The following ATF7 variants were observed in gnomAD, a reference collection of about 807,000 sequenced individuals.
ATF7 encodes cyclic AMP-dependent transcription factor ATF-7.
In ATF7, 10 loss-of-function variants were observed where a neutral mutation model predicts 50.4. The ratio of observed to expected loss-of-function variants is 0.20; its 90% CI spans 0.12 to 0.34. The LOEUF (loss-of-function observed/expected upper bound fraction) is 0.34, where lower values mean the gene tolerates loss of function less well. ATF7 is among the 10% of genes least tolerant of loss of function. The pLI is 1.00. For synonymous variants in ATF7, 201 were observed against 226.4 expected, an observed-to-expected ratio of 0.89 and a Z score of 1.01; for missense variants, 465 against 613.9, an observed-to-expected ratio of 0.76 and a Z score of 2.56.
Position 53,585,553 on chromosome 12 carries a change from T to C in ATF7, c.48+15400A>G, listed in dbSNP as rs1467593594. Among the ~76,000 whole-genome samples, 60 of 152,104 alleles carry C rather than the reference T, an allele frequency of 3.9e-4. 1 individual carries two copies. The highest frequency in any genetic ancestry group is 1.9e-4 in the East Asian group (1 of 5,172). ...AAAAAAAGCAAAGGAAGAGCATAAA[T>C]GAAAAAAGAAAAGACTGAAAACCAC... On this transcript the variant is annotated intron_variant, in intron 2 of 11. Coordinates refer to ENST00000420353, the MANE Select transcript of ATF7 (RefSeq NM_006856.3).
intron 3 of ATF7, among the ~76,000 whole-genome samples, chr12:53,545,380 C>T (rs548001599): frequency 3.3e-5 from 5 of 152,226 alleles, no homozygotes; most frequent in South Asian, 4.2e-4. Flanking sequence ...AGTGCAATGG[C>T]GCAATCTCAG....
Position 53,532,631 on chromosome 12 carries a change from G to C in ATF7, c.661-8C>G. 1 of 1,527,050 alleles carries C rather than the reference G, an allele frequency of 6.5e-7. No homozygotes were observed. Among genetic ancestry groups the C allele is most frequent in the South Asian group, 1.2e-5 (1 of 81,746 alleles). 94.6% of individuals were successfully genotyped at this position (1,527,050 alleles called of 1,614,324 possible). A position where few individuals can be genotyped will look rare whatever the true frequency, so the allele number is the denominator to read the frequency against. ...GGACACAGGTCTGGCCAGCTGGATC[G>C]AGAGAAGGAAAAAAAAAAAAAGAGA... On this transcript the variant is annotated splice_polypyrimidine_tract_variant and splice_region_variant and intron_variant, in intron 7 of 11. Transcript: ENST00000420353.
chr12:53,559,296 C>G (rs1940948299), intron 2 of ATF7, among the ~76,000 whole-genome samples: 1 of 151,582 alleles, frequency 6.6e-6, no homozygotes, highest in Admixed American at 6.6e-5. Flanking sequence ...CTCGTGGGCT[C>G]AAAAGCAGTC....
At chr12:53,561,410 A>G (rs1414547798) in intron 2 of ATF7, among the ~76,000 whole-genome samples, 1 of 151,740 alleles carries the variant, frequency 6.6e-6, no homozygotes, top group African/African-American at 2.4e-5. Flanking sequence ...GCTGGTGCTG[A>G]GCAGGTGAAG....
Position 53,532,574 on chromosome 12 carries a change from G to A in ATF7, c.710C>T (p.Pro237Leu), listed in dbSNP as rs777288564. The A allele has an allele frequency of 1.2e-6, 2 of 1,610,368 alleles. No individual in the cohort carries two copies. Among genetic ancestry groups the A allele is most frequent in the African/African-American group, 2.7e-5 (2 of 74,822 alleles). Residue 237 changes from proline (P) to leucine (L), a missense_variant, in exon 8 of 12, where the codon CCA (proline) becomes CTA (leucine). By Grantham distance (98) the Pro-to-Leu change is moderately conservative. Transcript: ENST00000420353. Reference sequence around the variant, plus strand: ...AATGGAGCCACTACTGTTAACTGGTGGGCCAGGGATACCAGGAATGTTGGG... The same window carrying A: ...AATGGAGCCACTACTGTTAACTGGTAGGCCAGGGATACCAGGAATGTTGGG... Reference protein sequence around the residue: ...MVPNIPGIPGPPVNSSGSISP... With the variant: ...MVPNIPGIPGLPVNSSGSISP...
chr12:53,606,795 T>G (rs1210051051), intron 1 of ATF7, among the ~76,000 whole-genome samples: 6 of 144,412 alleles, frequency 4.2e-5, no homozygotes, highest in Non-Finnish European at 7.5e-5. Context: ...TTCCCACCTA[T>G]AAGTGAGAAC....
intron 11 of ATF7, among the ~76,000 whole-genome samples, chr12:53,519,892 G>C (rs745986175): frequency 2.0e-5 from 3 of 151,972 alleles, no homozygotes; most frequent in African/African-American, 7.3e-5. Context: ...GACTACAGAT[G>C]CACGCCACCA....
intron 2 of ATF7, among the ~76,000 whole-genome samples, chr12:53,576,859 A>G (rs1220457233): frequency 6.6e-6 from 1 of 152,158 alleles, no homozygotes; most frequent in African/African-American, 2.4e-5. Context: ...GTTAAAGACC[A>G]GCCTGGCCAA....
At position 53,532,624 on chromosome 12, in the gene ATF7, C is replaced by A. The variant is rs1938972526; in HGVS notation, c.661-1G>T. On this transcript the variant is annotated splice_acceptor_variant, in intron 7 of 11. Transcript: ENST00000420353. LOFTEE classifies it high-confidence loss of function. ...GCACCATGGACACAGGTCTGGCCAG[C>A]TGGATCGAGAGAAGGAAAAAAAAAA... 1 of 1,571,974 alleles carries A rather than the reference C, an allele frequency of 6.4e-7. No individual in the cohort carries two copies. Among genetic ancestry groups the A allele is most frequent in the Admixed American group, 1.9e-5 (1 of 53,522 alleles).
chr12:53,538,140 T>C (rs1317031339), intron 4 of ATF7, among the ~76,000 whole-genome samples: 1 of 152,108 alleles, frequency 6.6e-6, no homozygotes, highest in African/African-American at 2.4e-5. Context: ...TAAACAAATA[T>C]TTATAAAGAC....
rs1192579434 is a variant in ATF7, at chr12:53,543,467, A to T, written c.146-19T>A. On this transcript the variant is annotated intron_variant, in intron 3 of 11. Transcript: ENST00000420353. ...GTTTGATCTGTAGACATGAAAGAAA[A>T]GGAAACTGTTTTAGTTTTGATCTGA... The T allele has an allele frequency of 6.4e-7, 1 of 1,552,046 alleles. No homozygotes were observed. Among genetic ancestry groups the T allele is most frequent in the South Asian group, 1.2e-5 (1 of 82,468 alleles).
chr12:53,517,370 G>A lies in ATF7; in HGVS notation c.1235-16C>T, dbSNP rs1291739216. On this transcript the variant is annotated splice_polypyrimidine_tract_variant and intron_variant, in intron 11 of 11. Coordinates refer to ENST00000420353, the MANE Select transcript of ATF7 (RefSeq NM_006856.3). ...TTGGGGCTTTCTGCCAGGAAGGAGGGCAAAGAGCAGAGAGCAATTGGTTAG... is the reference window on the plus strand; with the variant it reads ...TTGGGGCTTTCTGCCAGGAAGGAGGACAAAGAGCAGAGAGCAATTGGTTAG... 15 of 1,606,054 alleles carry A rather than the reference G, an allele frequency of 9.3e-6. No homozygotes were observed. The highest frequency in any genetic ancestry group is 1.3e-5 in the Non-Finnish European group (15 of 1,175,562).
intron 1 of ATF7, among the ~76,000 whole-genome samples, chr12:53,603,299 A>G (rs1943474589): frequency 1.3e-5 from 2 of 152,174 alleles, no homozygotes; most frequent in African/African-American, 4.8e-5. Flanking sequence ...CCTTTGCACA[A>G]TCACATCACA....
chr12:53,605,813 C>G (rs1454834370), intron 1 of ATF7, among the ~76,000 whole-genome samples: 1 of 152,174 alleles, frequency 6.6e-6, no homozygotes, highest in African/African-American at 2.4e-5. Flanking sequence ...ATTAAAACTT[C>G]AGGAAGCCTT....
intron 4 of ATF7, among the ~76,000 whole-genome samples, chr12:53,541,257 G>C (rs138710228): frequency 6.6e-6 from 1 of 152,098 alleles, no homozygotes; most frequent in Admixed American, 6.6e-5. Flanking sequence ...AAATAGAAGC[G>C]GTTCCAGCTA....
At chr12:53,556,941 T>C (rs1255829228) in intron 2 of ATF7, among the ~76,000 whole-genome samples, 2 of 152,212 alleles carry the variant, frequency 1.3e-5, no homozygotes, top group Admixed American at 6.5e-5. Context: ...ATTTTTTTAA[T>C]AAGATGGGAT....
At chr12:53,587,625 C>T (rs1243806682) in intron 2 of ATF7, among the ~76,000 whole-genome samples, 1 of 148,036 alleles carries the variant, frequency 6.8e-6, no homozygotes, top group Non-Finnish European at 1.5e-5. Flanking sequence ...GAGCTGAGAT[C>T]GCACCACTGT....
intron 1 of ATF7, among the ~76,000 whole-genome samples, chr12:53,615,311 G>A (rs1944076235): frequency 6.6e-6 from 1 of 152,034 alleles, no homozygotes; most frequent in Non-Finnish European, 1.5e-5. Context: ...ATGAACCCGG[G>A]AGGCGAAGCT....
At chr12:53,610,177 G>A (rs1032456591) in intron 1 of ATF7, among the ~76,000 whole-genome samples, 18 of 152,074 alleles carry the variant, frequency 1.2e-4, no homozygotes, top group Non-Finnish European at 2.6e-4. Context: ...CTGGAAAACT[G>A]AGGCAGAGAG....
Sources: allele counts gnomAD v4.1 joint callset (sites outside exome capture counted in the v4.1 genomes callset), GRCh38; gene constraint gnomAD v4.1.1; transcripts MANE v1.5; gene names NCBI Gene and HGNC (gene_info 2026-07-23, HGNC 2026-07-21).